The following ZNF568 variants were observed in gnomAD, a reference collection of about 807,000 sequenced individuals.
The protein encoded by ZNF568 is zinc finger protein 568, also known as p53 inhibitor of SCO2 activation.
Under a neutral mutation model 18.1 loss-of-function variants are expected in ZNF568, and 11 were observed. The ratio of observed to expected loss-of-function variants is 0.61; its 90% CI spans 0.38 to 1.00. The LOEUF (loss-of-function observed/expected upper bound fraction) is 1.00. Ranked by LOEUF, ZNF568 falls within the 50% of genes least tolerant of loss-of-function variation. The probability of loss-of-function intolerance (pLI) is 0.01; values close to 1 mark genes in which losing one functional copy is unlikely to be tolerated. For missense variants in ZNF568, 639 were observed against 768.2 expected, an observed-to-expected ratio of 0.83 and a Z score of 1.99; for synonymous variants, 213 against 246.6, an observed-to-expected ratio of 0.86 and a Z score of 1.28.
intron 6 of ZNF568, among the ~76,000 whole-genome samples, chr19:36,963,391 A>G (rs1286182702): frequency 6.6e-6 from 1 of 152,214 alleles, no homozygotes; most frequent in Non-Finnish European, 1.5e-5. Context: ...CAGCAGCACT[A>G]GGCTTTGGGC....
chr19:36,921,137 G>A (rs7249013), intron 2 of ZNF568, among the ~76,000 whole-genome samples: 1 of 151,998 alleles, frequency 6.6e-6, no homozygotes, highest in Non-Finnish European at 1.5e-5. Flanking sequence ...AAAGTGATGC[G>A]TGACTGTATA....
intron 2 of ZNF568, among the ~76,000 whole-genome samples, chr19:36,989,055 T>C (rs976556080): frequency 3.3e-5 from 5 of 152,220 alleles, no homozygotes; most frequent in Admixed American, 2.6e-4. Flanking sequence ...GAACGCCTTC[T>C]TTTTGCTTTA....
intron 6 of ZNF568, among the ~76,000 whole-genome samples, chr19:36,962,639 C>A (rs543964618): frequency 6.4e-4 from 98 of 152,260 alleles, no homozygotes; most frequent in African/African-American, 2.4e-3. Flanking sequence ...CCACACCCAG[C>A]CTTCAGCTTT....
chr19:36,993,566 A>C (rs773259073), intron 4 of ZNF568, among the ~76,000 whole-genome samples: 6 of 152,104 alleles, frequency 3.9e-5, no homozygotes, highest in Non-Finnish European at 7.4e-5. Context: ...GCTCTAATTC[A>C]GTCTCTTTAT....
chr19:36,975,152 CT>C (rs750626556), intron 7 of ZNF568, among the ~76,000 whole-genome samples: 133 of 126,522 alleles, frequency 1.1e-3, no homozygotes, highest in Admixed American at 3.1e-3. Context: ...TTCTTTCTTT[CT>C]TTTTTTTTTT....
chr19:36,997,500 G>A, downstream of ZNF568: 3 of 1,587,432 alleles, frequency 1.9e-6, no homozygotes, highest in Non-Finnish European at 2.6e-6. Context: ...TCATTCGAAG[G>A]TCAGAACTCA....
chr19:36,930,358 C>T (rs577620293), intron 4 of ZNF568, among the ~76,000 whole-genome samples: 16 of 151,982 alleles, frequency 1.1e-4, no homozygotes, highest in African/African-American at 3.1e-4. Context: ...TACAGACGCT[C>T]GCCACCACAC....
At chr19:36,954,884 T>G (rs1180355908), downstream of ZNF568, among the ~76,000 whole-genome samples, 1 of 151,880 alleles carries the variant, frequency 6.6e-6, no homozygotes, top group Non-Finnish European at 1.5e-5. Context: ...CCTGTAAACC[T>G]TTTTCTTTTT....
intron 4 of ZNF568, among the ~76,000 whole-genome samples, chr19:36,930,981 C>T (rs186663150): frequency 4.6e-4 from 70 of 152,236 alleles, no homozygotes; most frequent in African/African-American, 1.4e-3. Context: ...TTCAGCCTTT[C>T]TGCTGCTTTT....
At position 36,950,507 on chromosome 19, in the gene ZNF568, G is replaced by C. The variant is rs775832844; in HGVS notation, c.1354G>C (p.Gly452Arg). Residue 452 changes from glycine (G) to arginine (R), a missense_variant, in exon 7 of 7, where the codon GGA (glycine) becomes CGA (arginine). Gly to Arg is a moderately radical substitution (Grantham distance 125). Coordinates refer to ENST00000333987, the MANE Select transcript of ZNF568 (RefSeq NM_198539.4). ...GAAACCCTATGAATGTAAGGAATGT[G>C]GAAAAGCCTTCAGCAGGAAAGAAAA... is the stretch of plus-strand genomic sequence containing the variant. ...AEKPYECKEC[G>R]KAFSRKENLI... is the part of the protein sequence containing the mutation. The C allele has an allele frequency of 1.2e-5, 19 of 1,613,724 alleles. No homozygotes were observed. Among genetic ancestry groups the C allele is most frequent in the Middle Eastern group, 1.6e-4 (1 of 6,084 alleles).
downstream of ZNF568, chr19:36,997,521 G>T: frequency 1.3e-6 from 2 of 1,588,890 alleles, no homozygotes; most frequent in Non-Finnish European, 8.5e-7. Context: ...CACATCATGA[G>T]AGAAGTCACA....
At chr19:36,966,745 TGGTCCATCAGTGGGA>T (rs1198424058) in intron 6 of ZNF568, among the ~76,000 whole-genome samples, 1 of 152,226 alleles carries the variant, frequency 6.6e-6, no homozygotes, top group Non-Finnish European at 1.5e-5. Flanking sequence ...TCTTGCTTCA[TGGTCCATCAGTGGGA>T]GGTGTGTATG....
In ZNF568 at chr19:36,950,982, G is replaced by T; in HGVS notation, c.1829G>T (p.Gly610Val). 6.2e-7 allele frequency: 1 copy of T among 1,613,666 alleles called. No individual in the cohort carries two copies. The highest frequency in any genetic ancestry group is 8.5e-7 in the Non-Finnish European group (1 of 1,179,858). Reference protein sequence around the residue: ...LLIIHMRSHTGEKPFECNECG... With the variant: ...LLIIHMRSHTVEKPFECNECG... ...ATTATACATATGAGAAGTCATACTG[G>T]TGAGAAACCCTTTGAATGTAATGAA... The change falls in exon 7 of 7, where the codon GGT (glycine) becomes GTT (valine). Residue 610 changes from glycine (G) to valine (V), a missense_variant. Physicochemically the swap from Gly to Val is moderately radical, Grantham distance 109. Transcript: ENST00000333987.
chr19:36,929,633 C>T (rs950233084), intron 4 of ZNF568, among the ~76,000 whole-genome samples: 2 of 149,578 alleles, frequency 1.3e-5, no homozygotes, highest in Admixed American at 1.3e-4. Context: ...TGCAGTGAGC[C>T]GAGATCGCAC....
Position 36,949,871 on chromosome 19 carries a change from C to T in ZNF568, c.718C>T (p.His240Tyr). Residue 240 changes from histidine to tyrosine, a missense_variant, in exon 7 of 7, where the codon CAT (histidine) becomes TAT (tyrosine). Coordinates refer to ENST00000333987, the MANE Select transcript of ZNF568 (RefSeq NM_198539.4). Reference protein sequence around the residue: ...DFSHKFDLIRHERIHAGEKPY... With the variant: ...DFSHKFDLIRYERIHAGEKPY... ...CAGTCATAAATTTGACCTCATTAGA[C>T]ATGAGCGAATTCATGCTGGAGAGAA... The T allele has an allele frequency of 1.2e-6, 2 of 1,613,958 alleles. No homozygotes were observed. The highest frequency in any genetic ancestry group is 1.7e-6 in the Non-Finnish European group (2 of 1,179,930).
At chr19:36,941,184 C>T (rs1253989686) in intron 6 of ZNF568, among the ~76,000 whole-genome samples, 1 of 152,118 alleles carries the variant, frequency 6.6e-6, no homozygotes, top group Non-Finnish European at 1.5e-5. Flanking sequence ...TAAAACACAT[C>T]TAGTTATCTG....
intron 6 of ZNF568, among the ~76,000 whole-genome samples, chr19:36,948,804 T>G (rs2074009903): frequency 2.0e-5 from 3 of 152,090 alleles, no homozygotes. Context: ...GTAGGACTTC[T>G]AGTACAATGT....
In ZNF568 at chr19:36,997,099, CAG is replaced by C; in HGVS notation, c.1014_1015del (p.Gln338HisfsTer6). On this transcript the variant is annotated frameshift_variant, in exon 5 of 5. Coordinates refer to the ZNF568 transcript ENST00000433993. LOFTEE classifies it low-confidence loss of function (END_TRUNC). Reference sequence around the variant, plus strand: ...TTATGACACACAGCTGAGCCTTCATCAGATAATCCATACTGGTGAAAGACGCT... The same window carrying C: ...TTATGACACACAGCTGAGCCTTCATCATAATCCATACTGGTGAAAGACGCT... 1 of 1,565,438 alleles carries C rather than the reference CAG, an allele frequency of 6.4e-7. No individual in the cohort carries two copies. The highest frequency in any genetic ancestry group is 2.4e-5 in the East Asian group (1 of 42,492).
intron 6 of ZNF568, among the ~76,000 whole-genome samples, chr19:36,962,486 A>G (rs542729): frequency 0.56 from 85,315 of 151,310 alleles, 24,913 homozygotes; most frequent in African/African-American, 0.69. Context: ...GATTAGAGGC[A>G]TGCTCCACCA....
Sources: allele counts gnomAD v4.1 joint callset (sites outside exome capture counted in the v4.1 genomes callset), GRCh38; gene constraint gnomAD v4.1.1; transcripts MANE v1.5; gene names NCBI Gene and HGNC (gene_info 2026-07-23, HGNC 2026-07-21).